Variants in RARB observed in about 807,000 individuals in gnomAD.
RARB encodes the protein HBV-activated protein.
RARB carries 17 observed loss-of-function variants against 51.9 expected under a neutral mutation model. The observed-to-expected ratio is 0.33, with a 90% CI of 0.22 to 0.49. The LOEUF (loss-of-function observed/expected upper bound fraction) is 0.49. Among genes scored for constraint, RARB ranks in the 20% least tolerant of loss-of-function variants. RARB has a pLI of 0.99. For synonymous variants in RARB, 215 were observed against 195.4 expected (o/e 1.10, Z -0.84); for missense variants, 369 against 550.8 (o/e 0.67, Z 3.30).
At chr3:25,005,048 T>A (rs1266553174) in intron 2 of RARB, among the ~76,000 whole-genome samples, 1 of 152,130 alleles carries the variant, frequency 6.6e-6, no homozygotes, top group East Asian at 1.9e-4. Context: ...TTATTCAGAA[T>A]TTTGGTAAAG....
chr3:24,850,318 G>C (rs1249868214), intron 1 of RARB, among the ~76,000 whole-genome samples: 2 of 152,220 alleles, frequency 1.3e-5, no homozygotes, highest in Non-Finnish European at 2.9e-5. Flanking sequence ...GTAGAGCTGA[G>C]TAGTTGTGAG....
At chr3:25,375,567 T>C (rs1244498737) in intron 5 of RARB, among the ~76,000 whole-genome samples, 2 of 152,160 alleles carry the variant, frequency 1.3e-5, no homozygotes, top group African/African-American at 4.8e-5. Context: ...TAATGGATAA[T>C]GGGACTGTAT....
chr3:25,578,814 A>G (rs1334681082), intron 4 of RARB, among the ~76,000 whole-genome samples: 1 of 152,254 alleles, frequency 6.6e-6, no homozygotes, highest in Non-Finnish European at 1.5e-5. Context: ...GTTCAAAGCA[A>G]GAGCTAGTTT....
At chr3:25,009,981 C>T (rs909318444) in intron 2 of RARB, among the ~76,000 whole-genome samples, 1 of 152,114 alleles carries the variant, frequency 6.6e-6, no homozygotes, top group African/African-American at 2.4e-5. Context: ...CAGCCTGTCT[C>T]ATTCAAGTAG....
chr3:25,144,527 A>G (rs1054938512), intron 4 of RARB, among the ~76,000 whole-genome samples: 2 of 152,204 alleles, frequency 1.3e-5, no homozygotes, highest in Admixed American at 1.3e-4. Flanking sequence ...CAACATTTAA[A>G]AAGTGGCAAT....
rs552198846 is a variant in RARB, at chr3:25,406,036, A to G, written c.179-55157A>G. ...TCTCTTCCTGCCTTAGAGGACTCCC[A>G]TCTCCTAACCATAAGAACTGGCCAT... is the stretch of plus-strand genomic sequence containing the variant. On this transcript the variant is annotated intron_variant, in intron 5 of 11. Transcript: ENST00000383772. 3.3e-5 allele frequency among the ~76,000 whole-genome samples: 5 copies of G among 152,286 alleles called. No homozygotes were observed. In the South Asian group the frequency reaches 8.3e-4, roughly 25 times the overall value.
intron 5 of RARB, among the ~76,000 whole-genome samples, chr3:25,355,182 C>A (rs889986568): frequency 3.3e-5 from 5 of 152,116 alleles, no homozygotes; most frequent in African/African-American, 9.7e-5. Context: ...TTAAATAAAT[C>A]TGAGTACCGA....
At chr3:25,325,966 C>T (rs548891956) in intron 5 of RARB, among the ~76,000 whole-genome samples, 43 of 152,270 alleles carry the variant, frequency 2.8e-4, no homozygotes, top group Non-Finnish European at 4.9e-4. Flanking sequence ...GCAAGAGAAA[C>T]GGAAGCTGAC....
intron 5 of RARB, among the ~76,000 whole-genome samples, chr3:25,360,808 T>C (rs1163046086): frequency 6.6e-6 from 1 of 152,166 alleles, no homozygotes; most frequent in African/African-American, 2.4e-5. Context: ...TATTGGCCCC[T>C]ACTCTCTTCT....
intron 4 of RARB, among the ~76,000 whole-genome samples, chr3:25,144,672 A>G (rs373582930): frequency 1.3e-5 from 2 of 152,218 alleles, no homozygotes; most frequent in African/African-American, 4.8e-5. Flanking sequence ...AGATTGGGCT[A>G]ACTTCTCCCA....
chr3:25,223,079 A>T (rs1457590358), intron 5 of RARB, among the ~76,000 whole-genome samples: 1 of 152,190 alleles, frequency 6.6e-6, no homozygotes, highest in African/African-American at 2.4e-5. Flanking sequence ...AAATTTTGAT[A>T]AATCTAGATA....
intron 5 of RARB, among the ~76,000 whole-genome samples, chr3:25,336,427 G>A (rs1253012966): frequency 6.6e-6 from 1 of 152,054 alleles, no homozygotes; most frequent in Non-Finnish European, 1.5e-5. Flanking sequence ...TTAATAAAAT[G>A]TATTTTATTC....
intron 2 of RARB, among the ~76,000 whole-genome samples, chr3:25,017,579 C>A (rs899790703): frequency 6.6e-6 from 1 of 152,018 alleles, no homozygotes; most frequent in Non-Finnish European, 1.5e-5. Context: ...TGATCAAATA[C>A]CTTTGTGTTT....
intron 5 of RARB, among the ~76,000 whole-genome samples, chr3:25,218,233 G>C (rs1172724962): frequency 1.3e-5 from 2 of 152,074 alleles, no homozygotes; most frequent in Non-Finnish European, 2.9e-5. Context: ...CCAGCTTCTA[G>C]GGAGGATGGT....
chr3:24,877,571 G>C lies in RARB; in HGVS notation c.-380+18819G>C, dbSNP rs77415150. Among the ~76,000 whole-genome samples the C allele has an allele frequency of 0.014, 2,188 of 152,068 alleles. 88 individuals are homozygous for C. The East Asian group carries it at 0.16, about 11-fold the overall frequency. ...GATGGTTCAACAAGACCACAGCCAAGATACCAGGTACAGCTGAGGTTTGAA... is the reference window on the plus strand; with the variant it reads ...GATGGTTCAACAAGACCACAGCCAACATACCAGGTACAGCTGAGGTTTGAA... On this transcript the variant is annotated intron_variant, in intron 2 of 11. Coordinates refer to the RARB transcript ENST00000383772.
intron 1 of RARB, among the ~76,000 whole-genome samples, chr3:25,455,192 G>C (rs1454888447): frequency 1.3e-5 from 2 of 152,138 alleles, no homozygotes; most frequent in Non-Finnish European, 2.9e-5. Context: ...AATTTGACAG[G>C]GTAATTTTAT....
rs376812375 is a variant in RARB, at chr3:25,591,135, C to T, written c.787-2368C>T. On this transcript the variant is annotated intron_variant, in intron 5 of 7. Transcript: ENST00000330688. ...GCAAGTATCTGGGAGGTGAAAATAA[C>T]GACCCATCAAATGAAGAGAGATCAT... Among the ~76,000 whole-genome samples, 44 of 152,258 alleles carry T rather than the reference C, an allele frequency of 2.9e-4. No individual in the cohort carries two copies. In the South Asian group the frequency reaches 6.6e-3, roughly 23 times the overall value.
intron 3 of RARB, among the ~76,000 whole-genome samples, chr3:25,075,071 T>C (rs1575148300): frequency 6.6e-6 from 1 of 152,194 alleles, no homozygotes; most frequent in Non-Finnish European, 1.5e-5. Context: ...AAATTACATT[T>C]ACAGGTAAAA....
At chr3:25,413,316 T>C (rs1319490842) in intron 5 of RARB, among the ~76,000 whole-genome samples, 2 of 152,244 alleles carry the variant, frequency 1.3e-5, no homozygotes, top group African/African-American at 2.4e-5. Context: ...AGTTTGTTTG[T>C]TCTCATTGCT....
Sources: allele counts gnomAD v4.1 joint callset (sites outside exome capture counted in the v4.1 genomes callset), GRCh38; gene constraint gnomAD v4.1.1; transcripts MANE v1.5; gene names NCBI Gene and HGNC (gene_info 2026-07-23, HGNC 2026-07-21).